Variants in CKAP5 observed in about 807,000 individuals in gnomAD.
The protein encoded by CKAP5 is cytoskeleton-associated protein 5.
In CKAP5, 27 loss-of-function variants were observed where a neutral mutation model predicts 232.8. The ratio of observed to expected loss-of-function variants is 0.12; its 90% CI spans 0.09 to 0.16. The LOEUF (loss-of-function observed/expected upper bound fraction) is 0.16. CKAP5 is among the 10% of genes least tolerant of loss of function. The pLI is 1.00. For synonymous variants in CKAP5, 785 were observed against 841.1 expected (o/e 0.93, Z 1.16); for missense variants, 1,838 against 2,424.7 (o/e 0.76, Z 5.08).
chr11:46,757,313 T>G (rs59696953), intron 35 of CKAP5, among the ~76,000 whole-genome samples: 1 of 150,936 alleles, frequency 6.6e-6, no homozygotes, highest in Non-Finnish European at 1.5e-5. Context: ...GTCAACCTGG[T>G]GAAACCCTGT....
intron 1 of CKAP5, among the ~76,000 whole-genome samples, chr11:46,830,213 A>G (rs959215754): frequency 6.6e-6 from 1 of 152,042 alleles, no homozygotes; most frequent in African/African-American, 2.4e-5. Flanking sequence ...AGTCCAAGGC[A>G]GGCAGATCAC....
intron 1 of CKAP5, among the ~76,000 whole-genome samples, chr11:46,845,452 T>C (rs1053467492): frequency 6.6e-6 from 1 of 152,232 alleles, no homozygotes. Context: ...CCTTTCATCA[T>C]TTTCTATCCA....
intron 13 of CKAP5, among the ~76,000 whole-genome samples, chr11:46,794,156 G>A (rs996174850): frequency 6.6e-6 from 1 of 152,126 alleles, no homozygotes; most frequent in Non-Finnish European, 1.5e-5. Flanking sequence ...GAACAAAATA[G>A]AGGGCAAAAG....
At chr11:46,797,397 A>C (rs1206356864) in intron 11 of CKAP5, among the ~76,000 whole-genome samples, 1 of 152,000 alleles carries the variant, frequency 6.6e-6, no homozygotes, top group Non-Finnish European at 1.5e-5. Context: ...CAACAAAAAA[A>C]AAAAAACAAA....
In CKAP5 at chr11:46,818,131, G is replaced by T. The variant is rs1214082224; in HGVS notation, c.251+179C>A. Among the ~76,000 whole-genome samples the T allele has an allele frequency of 2.0e-5, 3 of 152,248 alleles. No individual in the cohort carries two copies. The East Asian group carries it at 5.8e-4, about 29-fold the overall frequency. Reference sequence around the variant, plus strand: ...TAATTTACTCCTCTACAGATCTCATGTGCCATTTAGATTTCTGAGAATAAA... The same window carrying T: ...TAATTTACTCCTCTACAGATCTCATTTGCCATTTAGATTTCTGAGAATAAA... On this transcript the variant is annotated intron_variant, in intron 3 of 43. Transcript: ENST00000529230.
At chr11:46,837,883 T>A (rs942845429) in intron 1 of CKAP5, among the ~76,000 whole-genome samples, 3 of 152,174 alleles carry the variant, frequency 2.0e-5, no homozygotes, top group Non-Finnish European at 4.4e-5. Context: ...AAGTAGGTAC[T>A]CCACCCTAAG....
At chr11:46,818,569 G>A in intron 2 of CKAP5, 66 bp from the exon 3 acceptor site, 1 of 173,792 alleles carries the variant, frequency 5.8e-6, no homozygotes, top group East Asian at 5.5e-5. Context: ...CTATTAATCT[G>A]GGGGGGGAGG....
Position 46,753,354 on chromosome 11 carries a change from C to T in CKAP5, c.5013G>A (p.Leu1671=), listed in dbSNP as rs776879803. 2 of 1,613,518 alleles carry T rather than the reference C, an allele frequency of 1.2e-6. No individual in the cohort carries two copies. Among genetic ancestry groups the T allele is most frequent in the Non-Finnish European group, 1.7e-6 (2 of 1,179,850 alleles). ...CTGACTTCTCCAGAACCTTCACCAC[C>T]AAGAGGTTCACAGAGCGGATGACCT... The part of the protein sequence containing the change: ...GQQVIRSVNL[L]VVKVLEKSDQ... The change falls in exon 37 of 44, where the codon TTG becomes TTA. Residue 1671 remains leucine (L), a synonymous_variant. Coordinates refer to ENST00000529230, the MANE Select transcript of CKAP5 (RefSeq NM_001008938.4).
rs963601945 is a variant in CKAP5 at position 46,748,870 on chromosome 11, C to T, written c.5704+1404G>A. On this transcript the variant is annotated intron_variant, in intron 42 of 43. Coordinates refer to ENST00000529230, the MANE Select transcript of CKAP5 (RefSeq NM_001008938.4). ...TTTTTGAGATGGAGTCTCGCTCTGTCGCCCAGGCTGGAGTGCAGTGATGCG... is the reference window on the plus strand; with the variant it reads ...TTTTTGAGATGGAGTCTCGCTCTGTTGCCCAGGCTGGAGTGCAGTGATGCG... 5.9e-5 allele frequency among the ~76,000 whole-genome samples: 9 copies of T among 151,820 alleles called. No homozygotes were observed. In the East Asian group the frequency reaches 1.2e-3, roughly 21 times the overall value.
At chr11:46,805,480 A>C (rs562509127) in intron 8 of CKAP5, among the ~76,000 whole-genome samples, 1 of 152,234 alleles carries the variant, frequency 6.6e-6, no homozygotes, top group South Asian at 2.1e-4. Flanking sequence ...AAGGAGGGAA[A>C]AAGGATTGGT....
rs754591036 is a variant in CKAP5 at position 46,780,445 on chromosome 11, G to C, written c.2290C>G (p.Leu764Val). 6.2e-7 allele frequency: 1 copy of C among 1,613,818 alleles called. No individual in the cohort carries two copies. The highest frequency in any genetic ancestry group is 8.5e-7 in the Non-Finnish European group (1 of 1,179,910). ...GTACTCACTGGGTTTGTTGCAGCAA[G>C]AGCTGTCTTCACATTGCTAATGAAA... ...KAFISNVKTA[L>V]AATNPAVRTA... The change falls in exon 19 of 44, where the codon CTT (leucine) becomes GTT (valine). Residue 764 changes from leucine to valine, a missense_variant. Physicochemically the swap from Leu to Val is conservative, Grantham distance 32. Transcript: ENST00000529230.
At chr11:46,790,839 C>T (rs1831956437) in intron 13 of CKAP5, among the ~76,000 whole-genome samples, 2 of 151,964 alleles carry the variant, frequency 1.3e-5, no homozygotes, top group Admixed American at 1.3e-4. Context: ...TTTGTAGAGA[C>T]AGGATTTTGC....
Position 46,743,966 on chromosome 11 carries a change from T to C in CKAP5, c.*57A>G. On this transcript the variant is annotated 3_prime_UTR_variant, in exon 44 of 44. Coordinates refer to ENST00000529230, the MANE Select transcript of CKAP5 (RefSeq NM_001008938.4). ...GGCCTGCTGAGGCCATTTTAAACTA[T>C]GAGGACTTCTAGTTTAGTAAACTAA... is the stretch of plus-strand genomic sequence containing the variant. 3 of 1,607,358 alleles carry C rather than the reference T, an allele frequency of 1.9e-6. No individual in the cohort carries two copies. The highest frequency in any genetic ancestry group is 2.5e-6 in the Non-Finnish European group (3 of 1,176,638).
intron 23 of CKAP5, among the ~76,000 whole-genome samples, chr11:46,776,920 G>T (rs1388012940): frequency 6.6e-6 from 1 of 151,992 alleles, no homozygotes; most frequent in Non-Finnish European, 1.5e-5. Context: ...GCTAAACATT[G>T]TAACCTTCAA....
At chr11:46,768,459 G>A (rs1443722320) in intron 26 of CKAP5, among the ~76,000 whole-genome samples, 1 of 151,866 alleles carries the variant, frequency 6.6e-6, no homozygotes, top group East Asian at 1.9e-4. Context: ...TTACAGGCGT[G>A]AGCCACCATG....
At chr11:46,801,101 A>G (rs1382772802) in intron 9 of CKAP5, 99 bp downstream of exon 9, 1 of 759,044 alleles carries the variant, frequency 1.3e-6, no homozygotes, top group Admixed American at 1.9e-5. Context: ...CAGTATATAC[A>G]CATCTATGCC....
chr11:46,748,336 G>A (rs1355685001), intron 42 of CKAP5, among the ~76,000 whole-genome samples: 1 of 152,216 alleles, frequency 6.6e-6, no homozygotes, highest in Non-Finnish European at 1.5e-5. Flanking sequence ...GGTGGTAGCA[G>A]TGAAGAGAAG....
intron 1 of CKAP5, among the ~76,000 whole-genome samples, chr11:46,822,790 T>C (rs944390451): frequency 1.3e-5 from 2 of 148,920 alleles, no homozygotes; most frequent in African/African-American, 4.9e-5. Context: ...AATCAATATG[T>C]AAAAATGTTG....
In CKAP5 at chr11:46,809,518, A is replaced by G. The variant is rs764552957; in HGVS notation, c.764-18T>C. The G allele has an allele frequency of 6.4e-7, 1 of 1,555,048 alleles. No individual in the cohort carries two copies. The highest frequency in any genetic ancestry group is 1.1e-5 in the South Asian group (1 of 87,556). ...ATCACCACCTTTAAGGAGAAAAACA[A>G]CACAAACCTTAAAAATGCTTAGAAT... On this transcript the variant is annotated intron_variant, in intron 6 of 43. Transcript: ENST00000529230.
Sources: allele counts gnomAD v4.1 joint callset (sites outside exome capture counted in the v4.1 genomes callset), GRCh38; gene constraint gnomAD v4.1.1; transcripts MANE v1.5; gene names NCBI Gene and HGNC (gene_info 2026-07-23, HGNC 2026-07-21).